The following ZFHX3 variants were observed in gnomAD, a reference collection of about 807,000 sequenced individuals.
The protein encoded by ZFHX3 is zinc finger homeobox protein 3.
Under a neutral mutation model 279.1 loss-of-function variants are expected in ZFHX3, and 42 were observed. That is an observed-to-expected ratio of 0.15 (90% CI 0.12 to 0.19). ZFHX3 has a LOEUF of 0.19. ZFHX3 is among the 10% of genes least tolerant of loss of function. The probability of loss-of-function intolerance (pLI) is 1.00; values close to 1 mark genes in which losing one functional copy is unlikely to be tolerated. For missense variants in ZFHX3, 4,981 were observed against 4,754.0 expected (o/e 1.05, Z -1.40); for synonymous variants, 2,293 against 1,957.8 (o/e 1.17, Z -4.52).
intron 2 of ZFHX3, among the ~76,000 whole-genome samples, chr16:73,469,119 CCA>C (rs2018619697): frequency 6.6e-6 from 1 of 152,184 alleles, no homozygotes; most frequent in African/African-American, 2.4e-5. Context: ...GTGGGGCTCC[CCA>C]GTCTTTCCCA....
intron 1 of ZFHX3, among the ~76,000 whole-genome samples, chr16:73,862,188 G>A (rs1961898443): frequency 1.3e-5 from 2 of 152,154 alleles, no homozygotes; most frequent in African/African-American, 4.8e-5. Flanking sequence ...AGTAAAGGCT[G>A]CAGCTCCCAT....
intron 2 of ZFHX3, among the ~76,000 whole-genome samples, chr16:73,535,721 T>C (rs1025350376): frequency 2.2e-5 from 2 of 91,044 alleles, no homozygotes; most frequent in Non-Finnish European, 4.4e-5. Flanking sequence ...GTGCCCCCTA[T>C]CTTTTTTTTT....
At chr16:73,446,740 G>T (rs1025627202) in intron 3 of ZFHX3, among the ~76,000 whole-genome samples, 1 of 152,152 alleles carries the variant, frequency 6.6e-6, no homozygotes, top group Non-Finnish European at 1.5e-5. Flanking sequence ...CCGGAGAGTA[G>T]TGGGTGAAAG....
At chr16:73,016,663 T>C (rs1489573306) in intron 1 of ZFHX3, among the ~76,000 whole-genome samples, 3 of 152,166 alleles carry the variant, frequency 2.0e-5, no homozygotes, top group Admixed American at 6.5e-5. Context: ...TGGCCTTTGT[T>C]TAAAGCCCTT....
At chr16:72,850,655 C>G (rs201905187) in intron 4 of ZFHX3, among the ~76,000 whole-genome samples, 9 of 152,170 alleles carry the variant, frequency 5.9e-5, no homozygotes, top group Non-Finnish European at 1.2e-4. Flanking sequence ...AGGCCGGGCT[C>G]GCCAGGCCCA....
intron 2 of ZFHX3, among the ~76,000 whole-genome samples, chr16:73,503,795 G>T (rs2143670473): frequency 6.6e-6 from 1 of 152,310 alleles, no homozygotes; most frequent in Non-Finnish European, 1.5e-5. Flanking sequence ...AATGTCAATG[G>T]ATTCACAATT....
intron 2 of ZFHX3, among the ~76,000 whole-genome samples, chr16:73,580,586 G>C (rs1439478035): frequency 6.6e-6 from 1 of 150,982 alleles, no homozygotes. Flanking sequence ...ATATAAGAAA[G>C]ACAGGATAAA....
At chr16:72,789,352 G>A (rs1259177933) in intron 9 of ZFHX3, 1 of 153,040 alleles carries the variant, frequency 6.5e-6, no homozygotes, top group Admixed American at 6.5e-5. Flanking sequence ...AGTACTCCCA[G>A]CTACCATTCA....
At chr16:73,814,581 T>C (rs1049193128) in intron 1 of ZFHX3, among the ~76,000 whole-genome samples, 2 of 151,954 alleles carry the variant, frequency 1.3e-5, no homozygotes, top group African/African-American at 4.8e-5. Context: ...TTTTTTTTTT[T>C]TTTGAGATGG....
intron 2 of ZFHX3, among the ~76,000 whole-genome samples, chr16:73,607,417 C>T (rs995679504): frequency 2.0e-5 from 3 of 152,142 alleles, no homozygotes; most frequent in African/African-American, 7.2e-5. Flanking sequence ...GGTATATATA[C>T]CCAAAAGAAT....
At position 73,543,885 on chromosome 16, in the gene ZFHX3, G is replaced by GGAGAGAGAGAGAGAGAGAGAGAGA. The variant is rs762967059; in HGVS notation, c.-1546-87651_-1546-87628dup. On this transcript the variant is annotated intron_variant, in intron 2 of 17. Transcript: ENST00000641206. The stretch of plus-strand genomic sequence containing the variant: ...GAGAGGGAGAGAGAGAGCGAGAGAG[G>GGAGAGAGAGAGAGAGAGAGAGAGA]GAGAGAGAGAGAGAGAGAGAGAGAG... The GGAGAGAGAGAGAGAGAGAGAGAGA allele has an allele frequency of 9.5e-4, 129 of 136,492 alleles. 2 individuals are homozygous for GGAGAGAGAGAGAGAGAGAGAGAGA. Among genetic ancestry groups the GGAGAGAGAGAGAGAGAGAGAGAGA allele is most frequent in the African/African-American group, 9.9e-4 (32 of 32,464 alleles). 8.5% of individuals were successfully genotyped at this position (136,492 alleles called of 1,614,324 possible).
chr16:72,898,906 T>C (rs139546612), intron 3 of ZFHX3, among the ~76,000 whole-genome samples: 2 of 152,236 alleles, frequency 1.3e-5, no homozygotes, highest in African/African-American at 4.8e-5. Flanking sequence ...AAATGAGGAC[T>C]GGTTTCCACA....
intron 2 of ZFHX3, among the ~76,000 whole-genome samples, chr16:73,476,267 C>G (rs930777986): frequency 1.3e-5 from 2 of 151,866 alleles, no homozygotes; most frequent in Admixed American, 1.3e-4. Context: ...TTTTTTTGAG[C>G]ACTCTATTCT....
chr16:73,691,423 A>C, intron 1 of ZFHX3, among the ~76,000 whole-genome samples: 1 of 152,276 alleles, frequency 6.6e-6, no homozygotes, highest in East Asian at 1.9e-4. Context: ...TATTATCTCC[A>C]ACCTTGAAGG....
intron 1 of ZFHX3, among the ~76,000 whole-genome samples, chr16:73,708,785 T>C (rs2053329179): frequency 1.3e-5 from 2 of 152,126 alleles, no homozygotes; most frequent in Admixed American, 1.3e-4. Context: ...ATTTATCCTC[T>C]TTGTAGGGGA....
intron 1 of ZFHX3, among the ~76,000 whole-genome samples, chr16:73,727,737 C>T (rs2053531759): frequency 6.6e-6 from 1 of 152,128 alleles, no homozygotes; most frequent in Admixed American, 6.5e-5. Context: ...CTTCTCCAGC[C>T]TTGAATGTCA....
intron 4 of ZFHX3, 132 bp downstream of exon 4, chr16:72,889,599 T>A: frequency 1.2e-6 from 1 of 803,302 alleles, no homozygotes; most frequent in Non-Finnish European, 1.9e-6. Context: ...AATGCTCACC[T>A]GTGAAGTCAG....
chr16:73,295,760 C>A (rs1382779139), intron 4 of ZFHX3, among the ~76,000 whole-genome samples: 1 of 152,144 alleles, frequency 6.6e-6, no homozygotes, highest in East Asian at 1.9e-4. Context: ...CCCTTTCACA[C>A]TTTGTCAAGG....
chr16:73,106,350 G>A (rs1966304620), intron 7 of ZFHX3, among the ~76,000 whole-genome samples: 1 of 152,094 alleles, frequency 6.6e-6, no homozygotes, highest in Non-Finnish European at 1.5e-5. Context: ...AAATGCCCAT[G>A]CTTTTTGCAT....
Sources: gnomAD v4.1 joint callset for allele counts (sites outside exome capture counted in the v4.1 genomes callset) on GRCh38, gnomAD v4.1.1 for gene constraint, MANE v1.5 for transcripts, NCBI Gene and HGNC (gene_info 2026-07-23, HGNC 2026-07-21) for gene names.